The following GNAI1 variants were observed in gnomAD, a reference collection of about 807,000 sequenced individuals.
GNAI1 encodes the protein guanine nucleotide-binding protein G(i) subunit alpha-1.
In GNAI1, 11 loss-of-function variants were observed where a neutral mutation model predicts 38.9. The ratio of observed to expected loss-of-function variants is 0.28; its 90% confidence interval spans 0.18 to 0.47. The LOEUF (loss-of-function observed/expected upper bound fraction) is 0.47, where lower values mean the gene tolerates loss of function less well. Among genes scored for constraint, GNAI1 ranks in the 20% least tolerant of loss-of-function variants. GNAI1 has a pLI of 0.99. For missense variants in GNAI1, 317 were observed against 436.9 expected, an observed-to-expected ratio of 0.73 and a Z score of 2.45; for synonymous variants, 166 against 145.1, an observed-to-expected ratio of 1.14 and a Z score of -1.04.
chr7:80,175,246 A>G (rs1246295654), intron 1 of GNAI1, among the ~76,000 whole-genome samples: 4 of 152,242 alleles, frequency 2.6e-5, no homozygotes, highest in Non-Finnish European at 5.9e-5. Flanking sequence ...AAATAAAAAT[A>G]TTTAAAAACT....
At chr7:80,166,778 A>G (rs1267577622) in intron 1 of GNAI1, among the ~76,000 whole-genome samples, 3 of 152,214 alleles carry the variant, frequency 2.0e-5, no homozygotes, top group South Asian at 4.1e-4. Context: ...ATGAAATGTT[A>G]CAAATGAATC....
chr7:80,135,702 T>G, intron 1 of GNAI1: 9 of 314,206 alleles, frequency 2.9e-5, no homozygotes, highest in Non-Finnish European at 3.4e-5. Flanking sequence ...TCGTGTGCGG[T>G]GTAGGTTGTG....
At chr7:80,190,715 C>T (rs1201678344) in intron 3 of GNAI1, among the ~76,000 whole-genome samples, 2 of 151,958 alleles carry the variant, frequency 1.3e-5, no homozygotes, top group Non-Finnish European at 2.9e-5. Flanking sequence ...TAATTTAAAC[C>T]TTTTGCCAAA....
At chr7:80,189,296 A>T in intron 3 of GNAI1, 65 bp downstream of exon 3, 2 of 1,350,896 alleles carry the variant, frequency 1.5e-6, no homozygotes, top group Non-Finnish European at 2.1e-6. Flanking sequence ...TGCTAATACC[A>T]TACTGTGTAA....
At chr7:80,157,032 T>C (rs1041802484) in intron 1 of GNAI1, among the ~76,000 whole-genome samples, 1 of 152,170 alleles carries the variant, frequency 6.6e-6, no homozygotes, top group Non-Finnish European at 1.5e-5. Flanking sequence ...TTTGGAAAAA[T>C]GCGTAATTAC....
chr7:80,202,722 A>G (rs1023056461), intron 4 of GNAI1, among the ~76,000 whole-genome samples: 1 of 152,180 alleles, frequency 6.6e-6, no homozygotes, highest in Non-Finnish European at 1.5e-5. Context: ...CAGTCACCTT[A>G]TAGGTCTCGT....
At position 80,189,371 on chromosome 7, in the gene GNAI1, TGAG is replaced by T. The variant is rs1370054924; in HGVS notation, c.303+144_303+146del. 40 of 707,604 alleles carry T rather than the reference TGAG, an allele frequency of 5.7e-5. No homozygotes were observed. In the South Asian group the frequency reaches 6.4e-4, roughly 11 times the overall value. 43.8% of individuals were successfully genotyped at this position (707,604 alleles called of 1,614,324 possible). ...ACCAAAAGGATAGAAGTGAGTGAAA[TGAG>T]GAGCGTTAGAAGTGAGTGAAATATT... On this transcript the variant is annotated intron_variant, in intron 3 of 7. Coordinates refer to ENST00000649796, the MANE Select transcript of GNAI1 (RefSeq NM_002069.6).
intron 1 of GNAI1, among the ~76,000 whole-genome samples, chr7:80,177,426 T>G (rs553333890): frequency 6.6e-6 from 1 of 152,326 alleles, no homozygotes; most frequent in Non-Finnish European, 1.5e-5. Context: ...ATATTTCTGC[T>G]CTTTCACAAT....
chr7:80,152,745 A>G (rs1243473162), intron 1 of GNAI1, among the ~76,000 whole-genome samples: 1 of 151,582 alleles, frequency 6.6e-6, no homozygotes, highest in African/African-American at 2.4e-5. Flanking sequence ...ATATTTTTTT[A>G]GTAGAGATGG....
At chr7:80,140,897 C>T (rs1021042156) in intron 1 of GNAI1, among the ~76,000 whole-genome samples, 3 of 152,112 alleles carry the variant, frequency 2.0e-5, no homozygotes, top group Non-Finnish European at 4.4e-5. Context: ...GAATCCATTC[C>T]CTTGCCTTTT....
intron 1 of GNAI1, among the ~76,000 whole-genome samples, chr7:80,185,894 A>G (rs974783912): frequency 1.1e-4 from 16 of 152,234 alleles, no homozygotes; most frequent in African/African-American, 3.6e-4. Context: ...GTTGAAAACT[A>G]ATTATGTAAA....
At chr7:80,210,257 C>A (rs1788849851) in intron 5 of GNAI1, among the ~76,000 whole-genome samples, 1 of 152,128 alleles carries the variant, frequency 6.6e-6, no homozygotes, top group Admixed American at 6.5e-5. Context: ...TTTGCTACTA[C>A]TTTGTTCACT....
intron 1 of GNAI1, among the ~76,000 whole-genome samples, chr7:80,174,978 C>T (rs1788157200): frequency 1.3e-5 from 2 of 152,086 alleles, no homozygotes; most frequent in South Asian, 2.1e-4. Flanking sequence ...TTCCATGTGA[C>T]CAAATGGGAA....
intron 1 of GNAI1, among the ~76,000 whole-genome samples, chr7:80,182,142 A>G (rs189361818): frequency 6.6e-6 from 1 of 152,164 alleles, no homozygotes; most frequent in East Asian, 1.9e-4. Flanking sequence ...ATTATGTGGT[A>G]TTTGCCCAGG....
At chr7:80,139,591 A>T (rs1787486355) in intron 1 of GNAI1, among the ~76,000 whole-genome samples, 1 of 152,158 alleles carries the variant, frequency 6.6e-6, no homozygotes, top group Non-Finnish European at 1.5e-5. Flanking sequence ...CTATTTTATT[A>T]TGTGTAAAAT....
chr7:80,219,147 A>C lies in GNAI1; in HGVS notation c.*1654A>C, dbSNP rs902568837. 6.6e-6 allele frequency: 1 copy of C among 151,964 alleles called. No individual in the cohort carries two copies. Among genetic ancestry groups the C allele is most frequent in the Non-Finnish European group, 1.5e-5 (1 of 67,960 alleles). The allele number at this position is 151,964 out of a possible 1,614,324, so 9.4% of individuals were successfully genotyped here. A position where few individuals can be genotyped will look rare whatever the true frequency, so the allele number is the denominator to read the frequency against. ...AATTCAAAGTTATCAAAGTTCCTTA[A>C]ATGTGTTAGTTTAGATTCTTTATGT... On this transcript the variant is annotated 3_prime_UTR_variant, in exon 8 of 8. Coordinates refer to ENST00000649796, the MANE Select transcript of GNAI1 (RefSeq NM_002069.6).
intron 1 of GNAI1, among the ~76,000 whole-genome samples, chr7:80,173,807 T>TTTG (rs1491152116): frequency 1.3e-5 from 2 of 152,172 alleles, no homozygotes; most frequent in African/African-American, 4.8e-5. Flanking sequence ...GTCCTCAGTC[T>TTTG]TTTACTAAGT....
chr7:80,212,648 A>AT lies in GNAI1; in HGVS notation c.721-62dup, dbSNP rs1277476412. The AT allele has an allele frequency of 4.2e-6, 4 of 942,622 alleles. No homozygotes were observed. The African/African-American group carries it at 5.2e-5, about 12-fold the overall frequency. The allele number at this position is 942,622 out of a possible 1,614,324, so 58.4% of individuals were successfully genotyped here. A position where few individuals can be genotyped will look rare whatever the true frequency, so the allele number is the denominator to read the frequency against. ...ACTCTGTTTTATTACAACACCTTTT[A>AT]TTTTTTAAAATAGTCCTCAAAAATC... is the stretch of plus-strand genomic sequence containing the variant. On this transcript the variant is annotated intron_variant, in intron 6 of 7. Transcript: ENST00000649796.
At chr7:80,172,657 C>T (rs572573076) in intron 1 of GNAI1, among the ~76,000 whole-genome samples, 8 of 152,164 alleles carry the variant, frequency 5.3e-5, no homozygotes, top group Admixed American at 2.0e-4. Flanking sequence ...TGCAAAGCAA[C>T]GTGAATGAAG....
Sources: gnomAD v4.1 joint callset for allele counts (sites outside exome capture counted in the v4.1 genomes callset) on GRCh38, gnomAD v4.1.1 for gene constraint, MANE v1.5 for transcripts, NCBI Gene and HGNC (gene_info 2026-07-23, HGNC 2026-07-21) for gene names.